The following ACKR2 variants were observed in gnomAD, a reference collection of about 807,000 sequenced individuals.
ACKR2 encodes the protein atypical chemokine receptor 2.
For synonymous variants in ACKR2, 207 were observed against 192.2 expected, an observed-to-expected ratio of 1.08 and a Z score of -0.64; for missense variants, 457 against 477.3, an observed-to-expected ratio of 0.96 and a Z score of 0.40.
chr3:42,853,482 C>T (rs1325719641), intron 2 of ACKR2, among the ~76,000 whole-genome samples: 1 of 152,164 alleles, frequency 6.6e-6, no homozygotes, highest in Admixed American at 6.5e-5. Context: ...CCATGCTGGT[C>T]TCAAACTCCT....
Position 42,864,751 on chromosome 3 carries a change from C to T in ACKR2, c.249C>T (p.Ile83=), listed in dbSNP as rs202103541. The change falls in exon 3 of 3, where the codon ATC becomes ATT. Residue 83 remains isoleucine, a synonymous_variant. Transcript: ENST00000422265. The part of the protein sequence containing the change: ...RYVPRRRMVE[I]YLLNLAISNL... ...TGCCTCGCAGGCGGATGGTTGAGAT[C>T]TATCTGCTGAATCTGGCCATCTCCA... 6.2e-7 allele frequency: 1 copy of T among 1,614,226 alleles called. No homozygotes were observed. Among genetic ancestry groups the T allele is most frequent in the Non-Finnish European group, 8.5e-7 (1 of 1,180,044 alleles).
At chr3:42,841,712 G>A (rs1701041127) in intron 2 of ACKR2, 1 of 152,270 alleles carries the variant, frequency 6.6e-6, no homozygotes, top group Non-Finnish European at 1.5e-5. Context: ...CCCCAGCCTA[G>A]TAGAGGCAAT....
intron 2 of ACKR2, among the ~76,000 whole-genome samples, chr3:42,845,848 CAAAAAA>C (rs35395771): frequency 2.0e-5 from 1 of 49,416 alleles, no homozygotes; most frequent in Non-Finnish European, 4.8e-5. Context: ...GACTCCGTCT[CAAAAAA>C]AAAAAAAAAA....
At chr3:42,851,453 C>A (rs558081116) in intron 2 of ACKR2, 1 of 985,156 alleles carries the variant, frequency 1.0e-6, no homozygotes, top group Non-Finnish European at 1.2e-6. Flanking sequence ...ATTCTGGCTC[C>A]GGTAGGTTAT....
At position 42,865,524 on chromosome 3, in the gene ACKR2, A is replaced by G. The variant is rs764285506; in HGVS notation, c.1022A>G (p.Gln341Arg). ...TGGCACCTGGCACCTGGCACTGCCC[A>G]GGCCTCATTATCCAGCTGTTCTGAG... ...LGWHLAPGTA[Q>R]ASLSSCSESS... The change falls in exon 3 of 3, where the codon CAG (glutamine) becomes CGG (arginine). Residue 341 changes from glutamine to arginine, a missense_variant. By Grantham distance (43) the Gln-to-Arg change is conservative. Transcript: ENST00000422265. 10 of 1,614,046 alleles carry G rather than the reference A, an allele frequency of 6.2e-6. No homozygotes were observed. The highest frequency in any genetic ancestry group is 8.5e-6 in the Non-Finnish European group (10 of 1,180,038).
chr3:42,828,514 A>G (rs1458514898), intron 2 of ACKR2, among the ~76,000 whole-genome samples: 2 of 152,168 alleles, frequency 1.3e-5, no homozygotes, highest in Non-Finnish European at 2.9e-5. Context: ...TGCAGCCCCT[A>G]AAAGTGGCAA....
chr3:42,856,024 T>G, intron 2 of ACKR2: 1 of 251,638 alleles, frequency 4.0e-6, no homozygotes, highest in Non-Finnish European at 7.5e-6. Context: ...CCGAGTATAC[T>G]CCTCACATCC....
In ACKR2 at chr3:42,860,189, A is replaced by AAAAAAAAAAAAAAAAAAAAAAAAAAAC. The variant is rs376833790; in HGVS notation, c.-37-4277_-37-4276insAAAAAAAAAAAAAAAAAAAAAAAAAAC. Among the ~76,000 whole-genome samples the AAAAAAAAAAAAAAAAAAAAAAAAAAAC allele has an allele frequency of 6.3e-5, 7 of 111,520 alleles. 1 individual carries two copies. Among genetic ancestry groups the AAAAAAAAAAAAAAAAAAAAAAAAAAAC allele is most frequent in the East Asian group, 7.5e-4 (2 of 2,682 alleles). The allele number at this position is 111,520 out of a possible 152,430, so 73.2% of individuals were successfully genotyped here. ...CAAAAAAAAAAAAAAAAAAAAAAAA[A>AAAAAAAAAAAAAAAAAAAAAAAAAAAC]GCAGGGGATGCAATCCTAGTCTCTG... is the stretch of plus-strand genomic sequence containing the variant. On this transcript the variant is annotated intron_variant, in intron 2 of 2. Transcript: ENST00000422265.
rs1701177873 is a variant in ACKR2 at position 42,852,931 on chromosome 3, C to T, written c.-37-11535C>T. On this transcript the variant is annotated intron_variant, in intron 2 of 2. Transcript: ENST00000422265. The surrounding 1 kb of genome is among the most constrained non-coding windows in gnomAD (Gnocchi z 4.3). ...TGGAATCAGAGGCCAGCTGATTCCTCTGGCCAGCTGTGCCTGGCTTACAGT... is the reference window on the plus strand; with the variant it reads ...TGGAATCAGAGGCCAGCTGATTCCTTTGGCCAGCTGTGCCTGGCTTACAGT... Among the ~76,000 whole-genome samples the T allele has an allele frequency of 1.3e-5, 2 of 151,956 alleles. No homozygotes were observed. Among genetic ancestry groups the T allele is most frequent in the Non-Finnish European group, 2.9e-5 (2 of 68,006 alleles).
chr3:42,861,517 G>A (rs558112609), intron 2 of ACKR2, among the ~76,000 whole-genome samples: 5 of 152,230 alleles, frequency 3.3e-5, no homozygotes, highest in African/African-American at 1.2e-4. Flanking sequence ...CATTTTATGA[G>A]GCCAGCATCA....
At chr3:42,846,096 G>A (rs1329156723) in intron 2 of ACKR2, among the ~76,000 whole-genome samples, 1 of 152,024 alleles carries the variant, frequency 6.6e-6, no homozygotes, top group Non-Finnish European at 1.5e-5. Flanking sequence ...CATCGGGTTC[G>A]TGGGAGGATT....
chr3:42,818,438 GT>G (rs1700775413), intron 1 of ACKR2, among the ~76,000 whole-genome samples: 1 of 152,196 alleles, frequency 6.6e-6, no homozygotes, highest in African/African-American at 2.4e-5. Flanking sequence ...ATGAGACTGA[GT>G]TTTCACTTTC....
At chr3:42,831,863 A>C (rs1018264459) in intron 2 of ACKR2, among the ~76,000 whole-genome samples, 2 of 152,232 alleles carry the variant, frequency 1.3e-5, no homozygotes, top group Non-Finnish European at 2.9e-5. Flanking sequence ...CATGATGCCA[A>C]AAATGCAATT....
intron 2 of ACKR2, among the ~76,000 whole-genome samples, chr3:42,848,907 C>T (rs889432581): frequency 1.3e-5 from 2 of 152,136 alleles, no homozygotes; most frequent in East Asian, 1.9e-4. Context: ...CAGTCTAATC[C>T]TGAAGAAACA....
At chr3:42,825,464 G>T (rs1301457817) in intron 2 of ACKR2, among the ~76,000 whole-genome samples, 1 of 151,768 alleles carries the variant, frequency 6.6e-6, no homozygotes, top group Non-Finnish European at 1.5e-5. Context: ...TTTTTCTGAT[G>T]TTATCGTAGA....
At chr3:42,827,168 G>A (rs1415198353) in intron 2 of ACKR2, among the ~76,000 whole-genome samples, 1 of 152,180 alleles carries the variant, frequency 6.6e-6, no homozygotes, top group East Asian at 1.9e-4. Flanking sequence ...TGCTGTATGT[G>A]CACCTGAGAA....
intron 2 of ACKR2, among the ~76,000 whole-genome samples, chr3:42,858,993 A>G (rs1206708022): frequency 6.6e-6 from 1 of 152,036 alleles, no homozygotes; most frequent in Non-Finnish European, 1.5e-5. Context: ...ATATAAAGGA[A>G]CGAACAAAGC....
chr3:42,845,873 G>GAAAAA, intron 2 of ACKR2, among the ~76,000 whole-genome samples: 1 of 147,240 alleles, frequency 6.8e-6, no homozygotes, highest in Non-Finnish European at 1.5e-5. Context: ...AAAGAAAAAA[G>GAAAAA]AAAAAAAGAA....
rs539302259 is a variant in ACKR2, at chr3:42,849,625, T to C, written c.-37-14841T>C. On this transcript the variant is annotated intron_variant, in intron 2 of 2. Transcript: ENST00000422265. ...GCTGCTGCATGTGGAAGAAGACTTA[T>C]GGACAGAAAAGGAAAGTGATGGACA... Among the ~76,000 whole-genome samples, 3 of 152,166 alleles carry C rather than the reference T, an allele frequency of 2.0e-5. No homozygotes were observed. The East Asian group carries it at 5.8e-4, about 29-fold the overall frequency.
Sources: allele counts gnomAD v4.1 joint callset (sites outside exome capture counted in the v4.1 genomes callset), GRCh38; gene constraint gnomAD v4.1.1; non-coding constraint Gnocchi (gnomAD v3.1); transcripts MANE v1.5; gene names NCBI Gene and HGNC (gene_info 2026-07-23, HGNC 2026-07-21).